Variants in CACNA1B observed in about 807,000 individuals in gnomAD.
The protein encoded by CACNA1B is calcium voltage-gated channel subunit alpha1 B, also known as voltage-dependent N-type calcium channel subunit alpha-1B.
A neutral mutation model predicts 247.2 loss-of-function variants in CACNA1B; 70 were observed. The observed-to-expected ratio is 0.28, with a 90% CI of 0.23 to 0.35. The LOEUF is 0.35. Among genes scored for constraint, CACNA1B ranks in the 10% least tolerant of loss-of-function variants. CACNA1B has a pLI of 1.00. For synonymous variants in CACNA1B, 1,231 were observed against 1,294.4 expected (o/e 0.95, Z 1.05); for missense variants, 2,367 against 3,197.4 (o/e 0.74, Z 6.26).
rs1198575103 is a variant in CACNA1B at position 138,057,759 on chromosome 9, G to A, written c.3996G>A (p.Glu1332=). Residue 1332 remains glutamate (E), a synonymous_variant, in exon 27 of 47, where the codon GAG becomes GAA. Transcript: ENST00000371372. The surrounding 1 kb of genome is among the most constrained non-coding windows in gnomAD (Gnocchi z 4.0). Reference sequence around the variant, plus strand: ...GTCAGTATTTGGATTATGAGAAGGAGGAAGTGGAAGCTCAGCCCAGGCAGT... The same window carrying A: ...GTCAGTATTTGGATTATGAGAAGGAAGAAGTGGAAGCTCAGCCCAGGCAGT... ...CRGQYLDYEK[E]EVEAQPRQWK... is the part of the protein sequence containing the mutation. 3.7e-6 allele frequency: 6 copies of A among 1,612,714 alleles called. No homozygotes were observed. The highest frequency in any genetic ancestry group is 1.7e-6 in the Non-Finnish European group (2 of 1,179,152).
At chr9:138,056,885 T>A (rs1387550091) in intron 26 of CACNA1B, among the ~76,000 whole-genome samples, 2 of 151,678 alleles carry the variant, frequency 1.3e-5, no homozygotes, top group African/African-American at 4.9e-5. Flanking sequence ...TTTGTATATC[T>A]TCTTTGGAGG....
rs1957496154 is a variant in CACNA1B at position 137,922,314 on chromosome 9, C to CA, written c.966+4883_966+4884insA. Among the ~76,000 whole-genome samples, 2 of 151,016 alleles carry CA rather than the reference C, an allele frequency of 1.3e-5. 1 individual carries two copies. Among genetic ancestry groups the CA allele is most frequent in the African/African-American group, 4.9e-5 (2 of 40,854 alleles). ...CATCCTGGGAGCAGAATAAAGTGCT[C>CA]GGAGAACATGATCAGCACCGCGATC... On this transcript the variant is annotated intron_variant, in intron 6 of 46. Coordinates refer to ENST00000371372, the MANE Select transcript of CACNA1B (RefSeq NM_000718.4).
intron 31 of CACNA1B, among the ~76,000 whole-genome samples, chr9:138,061,518 C>T (rs1428013071): frequency 6.6e-6 from 1 of 152,182 alleles, no homozygotes. Context: ...AAGTGTATCA[C>T]CAAGCCGGCA....
intron 21 of CACNA1B, among the ~76,000 whole-genome samples, chr9:138,045,261 C>T (rs553418653): frequency 4.6e-5 from 7 of 152,140 alleles, no homozygotes; most frequent in East Asian, 1.9e-4. Flanking sequence ...TGCACCATCC[C>T]GGAGCACACT....
Position 138,073,570 on chromosome 9 carries a change from G to T in CACNA1B, c.4757G>T (p.Arg1586Leu). Residue 1586 changes from arginine to leucine, a missense_variant, in exon 33 of 47, where the codon CGC (arginine) becomes CTC (leucine). By Grantham distance (102) the Arg-to-Leu change is moderately radical. Transcript: ENST00000371372. This position sits in a 1 kb window ranked among gnomAD's most constrained non-coding sequence, Gnocchi z 6.4. The stretch of plus-strand genomic sequence containing the variant: ...CTGCTCCGCCAGGGCTACACCATCC[G>T]CATCCTGCTGTGGACCTTTGTCCAG... Reference protein sequence around the residue: ...IKLLRQGYTIRILLWTFVQSF... With the variant: ...IKLLRQGYTILILLWTFVQSF... 1 of 1,611,448 alleles carries T rather than the reference G, an allele frequency of 6.2e-7. No homozygotes were observed. Among genetic ancestry groups the T allele is most frequent in the Non-Finnish European group, 8.5e-7 (1 of 1,177,734 alleles).
rs1267483178 is a variant in CACNA1B at position 138,083,259 on chromosome 9, G to A, written c.5094+5001G>A. Among the ~76,000 whole-genome samples, 3 of 150,828 alleles carry A rather than the reference G, an allele frequency of 2.0e-5. 1 individual carries two copies. Among genetic ancestry groups the A allele is most frequent in the African/African-American group, 7.4e-5 (3 of 40,614 alleles). On this transcript the variant is annotated intron_variant, in intron 36 of 46. Transcript: ENST00000371372. ...GCCGCAGCTTCCCTTTATCCTTGAG[G>A]CAAAACTGCCATCAAACTAACCAAG...
intron 6 of CACNA1B, among the ~76,000 whole-genome samples, chr9:137,949,098 A>ATGTAGTGTGTGTGTGTTTGG (rs1957838407): frequency 5.4e-4 from 1 of 1,840 alleles, no homozygotes; most frequent in African/African-American, 1.9e-3. Context: ...TGGTGTGTGC[A>ATGTAGTGTGTGTGTGTTTGG]TGTTTGTGGT....
intron 16 of CACNA1B, among the ~76,000 whole-genome samples, chr9:138,008,981 G>A (rs1030946647): frequency 5.9e-5 from 9 of 152,248 alleles, no homozygotes; most frequent in African/African-American, 2.2e-4. Context: ...CCAGGGTCTG[G>A]AGGGGCAGAC....
chr9:137,949,850 T>C (rs1026540504), intron 6 of CACNA1B, among the ~76,000 whole-genome samples: 4 of 152,092 alleles, frequency 2.6e-5, no homozygotes, highest in Admixed American at 2.6e-4. Context: ...TTTGTAGAAG[T>C]ATCTGTAAGG....
rs1054475283 is a variant in CACNA1B, at chr9:138,078,327, A to G, written c.5094+69A>G. 41 of 1,460,214 alleles carry G rather than the reference A, an allele frequency of 2.8e-5. No individual in the cohort carries two copies. In the Admixed American group the frequency reaches 3.1e-4, roughly 11 times the overall value. 90.5% of individuals were successfully genotyped at this position (1,460,214 alleles called of 1,614,324 possible). On this transcript the variant is annotated intron_variant, in intron 36 of 46. Coordinates refer to ENST00000371372, the MANE Select transcript of CACNA1B (RefSeq NM_000718.4). Reference sequence around the variant, plus strand: ...TCGGTACAGCTCAGGCTTCTCCCACATCTCCTGCTGATCCCTGACTCTGAT... The same window carrying G: ...TCGGTACAGCTCAGGCTTCTCCCACGTCTCCTGCTGATCCCTGACTCTGAT...
chr9:137,988,704 G>C (rs1196303215), intron 15 of CACNA1B, among the ~76,000 whole-genome samples: 1 of 152,234 alleles, frequency 6.6e-6, no homozygotes, highest in African/African-American at 2.4e-5. Flanking sequence ...GCTTGAGATA[G>C]GCAGATGGGC....
At position 138,103,130 on chromosome 9, in the gene CACNA1B, A is replaced by G. The variant is rs112001411; in HGVS notation, c.5319+323A>G. On this transcript the variant is annotated intron_variant, in intron 38 of 46. Transcript: ENST00000371372. Reference sequence around the variant, plus strand: ...CCTTTTCTCCCTCCCTTCCTTTCCTAGGAATGAGGGGACAGACCACTTGTT... The same window carrying G: ...CCTTTTCTCCCTCCCTTCCTTTCCTGGGAATGAGGGGACAGACCACTTGTT... Among the ~76,000 whole-genome samples, 947 of 152,182 alleles carry G rather than the reference A, an allele frequency of 6.2e-3. 23 individuals carry two copies. The South Asian group carries it at 0.086, about 14-fold the overall frequency.
chr9:138,022,052 G>A (rs575517312), intron 18 of CACNA1B, among the ~76,000 whole-genome samples: 37 of 152,328 alleles, frequency 2.4e-4, no homozygotes, highest in Admixed American at 9.1e-4. Context: ...CTGGGCTATG[G>A]AGCCCCATGT....
At chr9:137,978,066 A>T (rs1353906073) in intron 12 of CACNA1B, among the ~76,000 whole-genome samples, 1 of 119,794 alleles carries the variant, frequency 8.3e-6, no homozygotes, top group Non-Finnish European at 1.7e-5. Context: ...CCCAGGAAGG[A>T]GTGACAGGTG....
At chr9:137,953,069 G>C (rs1245363602) in intron 7 of CACNA1B, among the ~76,000 whole-genome samples, 3 of 152,212 alleles carry the variant, frequency 2.0e-5, no homozygotes, top group Non-Finnish European at 2.9e-5. Flanking sequence ...GTCCTCTCTG[G>C]GAGTGGGATG....
At chr9:138,074,687 T>A (rs1960254307) in intron 34 of CACNA1B, among the ~76,000 whole-genome samples, 1 of 152,184 alleles carries the variant, frequency 6.6e-6, no homozygotes, top group Non-Finnish European at 1.5e-5. Flanking sequence ...TGCACCGTGG[T>A]GTTCTTGAGG....
At chr9:137,997,761 C>T (rs1418912928) in intron 15 of CACNA1B, among the ~76,000 whole-genome samples, 2 of 152,186 alleles carry the variant, frequency 1.3e-5, no homozygotes, top group East Asian at 3.8e-4. Flanking sequence ...CATTATATCC[C>T]ATCCACTGGA....
At chr9:137,933,302 T>C (rs909243063) in intron 6 of CACNA1B, among the ~76,000 whole-genome samples, 16 of 152,054 alleles carry the variant, frequency 1.1e-4, no homozygotes, top group Non-Finnish European at 1.9e-4. Context: ...CTGCCCGCCT[T>C]GGCCTCCCAA....
chr9:138,043,538 G>A (rs1449195090), intron 20 of CACNA1B, among the ~76,000 whole-genome samples: 3 of 152,180 alleles, frequency 2.0e-5, no homozygotes, highest in Admixed American at 6.5e-5. Context: ...TGTTGCCAAC[G>A]TTGGTGCAGC....
Sources: gnomAD v4.1 joint callset for allele counts (sites outside exome capture counted in the v4.1 genomes callset) on GRCh38, gnomAD v4.1.1 for gene constraint, Gnocchi (gnomAD v3.1) non-coding constraint, MANE v1.5 for transcripts, NCBI Gene and HGNC (gene_info 2026-07-23, HGNC 2026-07-21) for gene names.